PKD2L2: variants seen among roughly 807,000 people sequenced by gnomAD.
PKD2L2 encodes the protein polycystin 2 like 2, transient receptor potential cation channel.
Under a neutral mutation model 83.9 loss-of-function variants are expected in PKD2L2, and 67 were observed. The ratio of observed to expected loss-of-function variants is 0.80; its 90% CI spans 0.66 to 0.98. The LOEUF (loss-of-function observed/expected upper bound fraction) is 0.98. Ranked by LOEUF, PKD2L2 falls within the 50% of genes least tolerant of loss-of-function variation. The pLI, the probability that PKD2L2 is intolerant of heterozygous loss-of-function variation, is 0.00. For missense variants in PKD2L2, 632 were observed against 717.2 expected (o/e 0.88, Z 1.36); for synonymous variants, 223 against 237.8 (o/e 0.94, Z 0.57).
chr5:137,897,989 C>CA (rs1356252381), intron 4 of PKD2L2, among the ~76,000 whole-genome samples: 1 of 146,878 alleles, frequency 6.8e-6, no homozygotes, highest in East Asian at 2.0e-4. Flanking sequence ...TTTTTTGAGA[C>CA]AGAGTCTCAC....
intron 3 of PKD2L2, among the ~76,000 whole-genome samples, chr5:137,892,888 A>G (rs1756116971): frequency 6.6e-6 from 1 of 152,120 alleles, no homozygotes; most frequent in Non-Finnish European, 1.5e-5. Context: ...CGGGTGGATC[A>G]CCTGAGGTCA....
At position 137,894,411 on chromosome 5, in the gene PKD2L2, A is replaced by C. The variant is rs1293684343; in HGVS notation, c.326A>C (p.Gln109Pro). The C allele has an allele frequency of 4.3e-6, 7 of 1,612,006 alleles. No homozygotes were observed. The highest frequency in any genetic ancestry group is 5.9e-6 in the Non-Finnish European group (7 of 1,179,056). Residue 109 changes from glutamine (Q) to proline (P), a missense_variant, in exon 4 of 15, where the codon CAG becomes CCG. Physicochemically the swap from Gln to Pro is moderately conservative, Grantham distance 76. Coordinates refer to ENST00000508883, the MANE Select transcript of PKD2L2 (RefSeq NM_001300921.2). ...LYWDSWYNNQ[Q>P]LYNLKNSSRI... The stretch of plus-strand genomic sequence containing the variant: ...TGGGATTCATGGTACAATAACCAGC[A>C]GCTGTATAATTTAAAGAACAGCAGT...
chr5:137,921,628 TCTTA>T lies in PKD2L2; in HGVS notation c.1329-7_1329-4del. 6.4e-7 allele frequency: 1 copy of T among 1,559,032 alleles called. No individual in the cohort carries two copies. Among genetic ancestry groups the T allele is most frequent in the Non-Finnish European group, 8.8e-7 (1 of 1,138,978 alleles). On this transcript the variant is annotated splice_polypyrimidine_tract_variant and splice_region_variant and intron_variant, in intron 8 of 14. Transcript: ENST00000508883. ...GTATATATTTTCTACTGTTTTTCTT[TCTTA>T]AAGATTTGCACAATTTCGAATTGTT...
chr5:137,936,487 G>C, intron 14 of PKD2L2, 60 bp downstream of exon 14: 1 of 1,391,882 alleles, frequency 7.2e-7, no homozygotes, highest in Non-Finnish European at 9.7e-7. Flanking sequence ...ACGGAGTCTC[G>C]CTCTAACGCC....
chr5:137,890,867 T>G (rs954236074), intron 2 of PKD2L2, among the ~76,000 whole-genome samples: 1 of 152,240 alleles, frequency 6.6e-6, no homozygotes, highest in East Asian at 1.9e-4. Context: ...CAGTTCTGTC[T>G]TGAGCATAAT....
At position 137,892,579 on chromosome 5, in the gene PKD2L2, T is replaced by G; in HGVS notation, c.233T>G (p.Phe78Cys). The change falls in exon 3 of 15, where the codon TTT becomes TGT. Residue 78 changes from phenylalanine to cysteine, a missense_variant. Transcript: ENST00000508883. ...TSVPGEERTN[F>C]KSIRSITDFW... Reference sequence around the variant, plus strand: ...GTGCCTGGTGAAGAAAGAACCAACTTTAAGTCCATTCGCAGCATAACTGAT... The same window carrying G: ...GTGCCTGGTGAAGAAAGAACCAACTGTAAGTCCATTCGCAGCATAACTGAT... The G allele has an allele frequency of 6.2e-7, 1 of 1,612,110 alleles. No individual in the cohort carries two copies. The highest frequency in any genetic ancestry group is 8.5e-7 in the Non-Finnish European group (1 of 1,179,360).
chr5:137,941,206 C>A (rs534135384), intron 14 of PKD2L2, among the ~76,000 whole-genome samples: 4 of 152,130 alleles, frequency 2.6e-5, no homozygotes, highest in Non-Finnish European at 5.9e-5. Flanking sequence ...CTGCGCCTGG[C>A]CCACTTCAGA....
At chr5:137,923,626 A>G in intron 10 of PKD2L2, 105 bp downstream of exon 10, 1 of 686,470 alleles carries the variant, frequency 1.5e-6, no homozygotes, top group African/African-American at 1.8e-5. Flanking sequence ...TGCTCTCCCC[A>G]CTCCCACCCC....
chr5:137,916,510 T>C (rs1479968766), intron 8 of PKD2L2, among the ~76,000 whole-genome samples: 2 of 145,926 alleles, frequency 1.4e-5, no homozygotes, highest in Non-Finnish European at 3.0e-5. Flanking sequence ...GACAGAGTAT[T>C]GCGCTTTCAC....
chr5:137,912,284 GTTTTCT>G (rs912143198), intron 8 of PKD2L2, among the ~76,000 whole-genome samples: 2 of 152,104 alleles, frequency 1.3e-5, no homozygotes, highest in Admixed American at 1.3e-4. Flanking sequence ...AGTGTATGAA[GTTTTCT>G]TTTTGTCTCC....
intron 14 of PKD2L2, chr5:137,940,353 G>A: frequency 1.3e-6 from 2 of 1,582,502 alleles, no homozygotes; most frequent in Non-Finnish European, 1.7e-6. Flanking sequence ...GCATTCCTAG[G>A]GGAGAAAATA....
chr5:137,902,331 TAA>T (rs1757030341), intron 5 of PKD2L2, among the ~76,000 whole-genome samples: 1 of 151,958 alleles, frequency 6.6e-6, no homozygotes, highest in African/African-American at 2.4e-5. Flanking sequence ...GTAAAATCTG[TAA>T]AGTTTCACTG....
chr5:137,900,162 G>A lies in PKD2L2; in HGVS notation c.746+425G>A, dbSNP rs146299158. 1.9e-3 allele frequency among the ~76,000 whole-genome samples: 296 copies of A among 152,292 alleles called. 1 individual carries two copies. The highest frequency in any genetic ancestry group is 6.2e-3 in the African/African-American group (256 of 41,564). On this transcript the variant is annotated intron_variant, in intron 5 of 14. Transcript: ENST00000508883. ...ACTATATCATAACTGCATAAAATTA[G>A]AGTACGTACTGTACTAGTGTAAGAA...
chr5:137,892,019 A>G (rs1450336153), intron 2 of PKD2L2, among the ~76,000 whole-genome samples: 1 of 152,220 alleles, frequency 6.6e-6, no homozygotes, highest in Non-Finnish European at 1.5e-5. Context: ...TCATGTGCCA[A>G]AACACAGTTT....
rs1044210160 is a variant in PKD2L2 at position 137,890,231 on chromosome 5, C to A, written c.32-250C>A. The A allele has an allele frequency of 1.7e-5, 5 of 296,210 alleles. No individual in the cohort carries two copies. The East Asian group carries it at 3.0e-4, about 18-fold the overall frequency. The allele number at this position is 296,210 out of a possible 1,614,324, so 18.3% of individuals were successfully genotyped here. A position where few individuals can be genotyped will look rare whatever the true frequency, so the allele number is the denominator to read the frequency against. On this transcript the variant is annotated intron_variant, in intron 1 of 14. Transcript: ENST00000508883. ...CGGGGAGGCGGAGGCTGCAGTGAGA[C>A]GAGATCGCGTCACTGAACTCCAGCC...
At chr5:137,939,266 T>C (rs1760988841) in intron 14 of PKD2L2, 1 of 152,168 alleles carries the variant, frequency 6.6e-6, no homozygotes, top group Admixed American at 6.6e-5. Flanking sequence ...CATGTGAAAA[T>C]GCAGTGGTAG....
At chr5:137,941,929 T>A in intron 14 of PKD2L2, 2 of 1,599,266 alleles carry the variant, frequency 1.3e-6, no homozygotes, top group Non-Finnish European at 1.7e-6. Flanking sequence ...CTCAATTTTG[T>A]GATGCTCAAC....
At position 137,889,521 on chromosome 5, in the gene PKD2L2, C is replaced by A. The variant is rs201413664; in HGVS notation, c.30C>A (p.Gly10=). 5.9e-5 allele frequency: 92 copies of A among 1,552,756 alleles called. No individual in the cohort carries two copies. The highest frequency in any genetic ancestry group is 7.2e-5 in the Non-Finnish European group (83 of 1,157,776). Residue 10 remains glycine, a splice_region_variant and synonymous_variant, in exon 1 of 15, where the codon GGC becomes GGA. Coordinates refer to ENST00000508883, the MANE Select transcript of PKD2L2 (RefSeq NM_001300921.2). ...CTGAGGCGTCACGGTGGCACCGAGG[C>A]GGTGAGGGGTCCTCTTAAGGAGTGG... MAEASRWHR[G]GASKHKLHYR... is the part of the protein sequence containing the mutation.
intron 8 of PKD2L2, among the ~76,000 whole-genome samples, chr5:137,917,609 A>G (rs762035589): frequency 2.0e-5 from 3 of 151,338 alleles, no homozygotes; most frequent in Admixed American, 6.6e-5. Context: ...TTTCCATCTT[A>G]TATTTTTTTG....
Sources: gnomAD v4.1 joint callset for allele counts (sites outside exome capture counted in the v4.1 genomes callset) on GRCh38, gnomAD v4.1.1 for gene constraint, MANE v1.5 for transcripts, NCBI Gene and HGNC (gene_info 2026-07-23, HGNC 2026-07-21) for gene names.